Variants in CHRM3 observed in about 807,000 individuals in gnomAD.
The protein encoded by CHRM3 is cholinergic receptor muscarinic 3, also known as muscarinic acetylcholine receptor M3.
CHRM3 carries 11 observed loss-of-function variants against 41.8 expected under a neutral mutation model. That is an observed-to-expected ratio of 0.26 (90% CI 0.17 to 0.44). CHRM3 has a LOEUF of 0.44. Among genes scored for constraint, CHRM3 ranks in the 20% least tolerant of loss-of-function variants. CHRM3 has a pLI of 1.00. For missense variants in CHRM3, 571 were observed against 745.4 expected (o/e 0.77, Z 2.72); for synonymous variants, 297 against 301.4 (o/e 0.99, Z 0.15).
chr1:239,431,953 T>C (rs998641547), intron 1 of CHRM3, among the ~76,000 whole-genome samples: 3 of 151,984 alleles, frequency 2.0e-5, no homozygotes, highest in Non-Finnish European at 4.4e-5. Context: ...CTGCTGTGAG[T>C]ATAGAGTAGG....
intron 3 of CHRM3, among the ~76,000 whole-genome samples, chr1:239,594,745 C>T (rs773470782): frequency 1.7e-4 from 26 of 151,960 alleles, no homozygotes; most frequent in Non-Finnish European, 2.4e-4. Flanking sequence ...TATAGTAGGC[C>T]CTTCATACCC....
chr1:239,787,056 C>A (rs947280715), intron 5 of CHRM3, among the ~76,000 whole-genome samples: 1 of 152,064 alleles, frequency 6.6e-6, no homozygotes, highest in Non-Finnish European at 1.5e-5. Flanking sequence ...TATAATAAAC[C>A]AGGTGGTGCA....
intron 4 of CHRM3, among the ~76,000 whole-genome samples, chr1:239,659,357 A>G (rs550683890): frequency 9.9e-5 from 15 of 152,166 alleles, no homozygotes; most frequent in African/African-American, 3.1e-4. Context: ...GCAGATCCCT[A>G]TGGATTTATA....
At chr1:239,854,249 T>G (rs559302428) in intron 6 of CHRM3, among the ~76,000 whole-genome samples, 1 of 152,216 alleles carries the variant, frequency 6.6e-6, no homozygotes, top group South Asian at 2.1e-4. Context: ...TATTCTTTAG[T>G]CCCTCTGAAA....
chr1:239,797,549 G>A (rs1669888253), intron 5 of CHRM3, among the ~76,000 whole-genome samples: 1 of 152,132 alleles, frequency 6.6e-6, no homozygotes, highest in Non-Finnish European at 1.5e-5. Flanking sequence ...CTGTTTCTCA[G>A]TGTGTAGCGT....
At chr1:239,457,227 A>G (rs1408376108) in intron 1 of CHRM3, among the ~76,000 whole-genome samples, 4 of 152,152 alleles carry the variant, frequency 2.6e-5, no homozygotes, top group African/African-American at 9.7e-5. Flanking sequence ...GCAACTGTAA[A>G]CTGGGAATAA....
At chr1:239,763,454 C>T (rs1021617450) in intron 5 of CHRM3, among the ~76,000 whole-genome samples, 1 of 152,122 alleles carries the variant, frequency 6.6e-6, no homozygotes, top group African/African-American at 2.4e-5. Flanking sequence ...TGAGTAGTCC[C>T]AGAGAAAGGA....
At chr1:239,828,065 G>A (rs1022818300) in intron 6 of CHRM3, among the ~76,000 whole-genome samples, 1 of 152,034 alleles carries the variant, frequency 6.6e-6, no homozygotes, top group Admixed American at 6.6e-5. Flanking sequence ...TACAAGGGAG[G>A]CAATGGTGAA....
At chr1:239,519,250 T>C (rs148787821) in intron 2 of CHRM3, among the ~76,000 whole-genome samples, 189 of 152,318 alleles carry the variant, frequency 1.2e-3, no homozygotes, top group Non-Finnish European at 2.4e-3. Context: ...TAGCATGTTA[T>C]GTACAATCTT....
intron 5 of CHRM3, among the ~76,000 whole-genome samples, chr1:239,798,749 C>A (rs1347197911): frequency 2.0e-5 from 3 of 152,162 alleles, no homozygotes; most frequent in Admixed American, 1.3e-4. Flanking sequence ...TGCAGGCCAT[C>A]AAAGACTTCC....
At chr1:239,816,604 T>C (rs1671608310) in intron 5 of CHRM3, among the ~76,000 whole-genome samples, 2 of 152,084 alleles carry the variant, frequency 1.3e-5, no homozygotes, top group Admixed American at 1.3e-4. Context: ...GCAAGGTGGA[T>C]TTCTTCAGGA....
chr1:239,548,870 G>A (rs987345709), intron 3 of CHRM3, among the ~76,000 whole-genome samples: 2 of 152,302 alleles, frequency 1.3e-5, no homozygotes, highest in East Asian at 1.9e-4. Flanking sequence ...AAGGTTATGC[G>A]GTTGGAATGC....
intron 3 of CHRM3, among the ~76,000 whole-genome samples, chr1:239,627,334 T>G (rs1443666922): frequency 1.5e-5 from 2 of 129,098 alleles, no homozygotes; most frequent in Admixed American, 7.7e-5. Flanking sequence ...CCCCTGCCTT[T>G]TTTTGTTTTC....
chr1:239,574,545 G>A (rs1038970611), intron 3 of CHRM3, among the ~76,000 whole-genome samples: 1 of 152,004 alleles, frequency 6.6e-6, no homozygotes, highest in African/African-American at 2.4e-5. Context: ...ACTTAACAGA[G>A]CAGCCTGTCC....
chr1:239,510,550 T>G (rs1002036576), intron 2 of CHRM3, among the ~76,000 whole-genome samples: 3 of 151,924 alleles, frequency 2.0e-5, no homozygotes, highest in Non-Finnish European at 4.4e-5. Flanking sequence ...TTTTTTTTTT[T>G]TTTGAGGCAG....
intron 5 of CHRM3, among the ~76,000 whole-genome samples, chr1:239,769,619 C>A (rs140345665): frequency 2.8e-4 from 43 of 152,064 alleles, no homozygotes; most frequent in African/African-American, 1.0e-3. Context: ...ATTTGTGTGG[C>A]GCCTGTAAGC....
At chr1:239,508,403 C>T (rs1558276285) in intron 2 of CHRM3, among the ~76,000 whole-genome samples, 1 of 152,130 alleles carries the variant, frequency 6.6e-6, no homozygotes, top group East Asian at 1.9e-4. Context: ...TAAAGGAATT[C>T]TTTGTGTTTT....
intron 5 of CHRM3, among the ~76,000 whole-genome samples, chr1:239,780,934 G>A (rs1480636637): frequency 6.6e-6 from 1 of 152,066 alleles, no homozygotes; most frequent in Non-Finnish European, 1.5e-5. Flanking sequence ...CTATATTCAT[G>A]TGGGCCTATT....
intron 2 of CHRM3, among the ~76,000 whole-genome samples, chr1:239,518,155 T>G (rs1669396412): frequency 6.6e-6 from 1 of 152,184 alleles, no homozygotes. Flanking sequence ...TCCACACGTT[T>G]TAATTTAATT....
Sources: gnomAD v4.1 joint callset for allele counts (sites outside exome capture counted in the v4.1 genomes callset) on GRCh38, gnomAD v4.1.1 for gene constraint, MANE v1.5 for transcripts, NCBI Gene and HGNC (gene_info 2026-07-23, HGNC 2026-07-21) for gene names.